The following PCCA variants were observed in gnomAD, a reference collection of about 807,000 sequenced individuals.
PCCA encodes the protein propionyl-CoA carboxylase alpha chain, mitochondrial.
PCCA carries 74 observed loss-of-function variants against 101.3 expected under a neutral mutation model. The observed-to-expected ratio is 0.73, with a 90% confidence interval of 0.61 to 0.89. The LOEUF is 0.89. Ranked by LOEUF, PCCA falls within the 40% of genes least tolerant of loss-of-function variation. The pLI is 0.00. For synonymous variants in PCCA, 294 were observed against 313.6 expected (o/e 0.94, Z 0.66); for missense variants, 891 against 907.0 (o/e 0.98, Z 0.23).
chr13:100,190,605 G>A (rs2152447146), intron 6 of PCCA, among the ~76,000 whole-genome samples: 1 of 152,208 alleles, frequency 6.6e-6, no homozygotes, highest in African/African-American at 2.4e-5. Flanking sequence ...AACCTGGGAG[G>A]TGGAGGCTGC....
chr13:100,364,922 A>G (rs1595601701), intron 18 of PCCA, among the ~76,000 whole-genome samples: 1 of 152,024 alleles, frequency 6.6e-6, no homozygotes, highest in African/African-American at 2.4e-5. Context: ...GGTGGCGCAC[A>G]CCTGTAATCC....
intron 7 of PCCA, among the ~76,000 whole-genome samples, chr13:100,228,042 G>T (rs560720004): frequency 6.6e-6 from 1 of 151,804 alleles, no homozygotes; most frequent in Non-Finnish European, 1.5e-5. Flanking sequence ...TCCAGACAGG[G>T]TCTTGCTCTT....
chr13:100,190,679 A>G (rs1346661753), intron 6 of PCCA, among the ~76,000 whole-genome samples: 1 of 152,012 alleles, frequency 6.6e-6, no homozygotes, highest in Non-Finnish European at 1.5e-5. Flanking sequence ...TGTCTCCAAA[A>G]CAAAACACCA....
intron 20 of PCCA, among the ~76,000 whole-genome samples, chr13:100,440,551 T>A (rs977220660): frequency 2.0e-5 from 3 of 152,044 alleles, no homozygotes; most frequent in Non-Finnish European, 2.9e-5. Context: ...AAAATTAATA[T>A]TTTAATTAGA....
intron 12 of PCCA, among the ~76,000 whole-genome samples, chr13:100,300,410 A>C (rs2065973278): frequency 6.6e-6 from 1 of 152,184 alleles, no homozygotes; most frequent in African/African-American, 2.4e-5. Flanking sequence ...ATAATGACTA[A>C]GTCCTGTCCT....
At chr13:100,299,657 T>C (rs1035441545) in intron 12 of PCCA, among the ~76,000 whole-genome samples, 1 of 152,216 alleles carries the variant, frequency 6.6e-6, no homozygotes, top group Non-Finnish European at 1.5e-5. Context: ...AATTGTCTTT[T>C]CACCTATCAG....
chr13:100,461,182 G>C (rs1484923632), intron 21 of PCCA, among the ~76,000 whole-genome samples: 2 of 152,216 alleles, frequency 1.3e-5, no homozygotes, highest in African/African-American at 4.8e-5. Flanking sequence ...GGTTGTTATT[G>C]CTACTATAGA....
intron 4 of PCCA, among the ~76,000 whole-genome samples, chr13:100,121,201 G>T (rs1258950879): frequency 7.2e-6 from 1 of 139,068 alleles, no homozygotes; most frequent in African/African-American, 2.7e-5. Flanking sequence ...CTGTCACCCA[G>T]GCTGGAGTGT....
Position 100,492,555 on chromosome 13 carries a change from G to A in PCCA, c.1900-22872G>A, listed in dbSNP as rs370227113. On this transcript the variant is annotated intron_variant, in intron 21 of 23. Transcript: ENST00000376285. ...CCCTAGCACCATCTTGATATGGACA[G>A]GAGGCAGGGAAATACTGGGTAGAAG... Among the ~76,000 whole-genome samples the A allele has an allele frequency of 2.1e-3, 320 of 151,930 alleles. 1 individual carries two copies. Among genetic ancestry groups the A allele is most frequent in the African/African-American group, 7.3e-3 (302 of 41,436 alleles).
At chr13:100,111,178 CTTTTTT>C (rs965293674) in intron 2 of PCCA, among the ~76,000 whole-genome samples, 3 of 98,574 alleles carry the variant, frequency 3.0e-5, no homozygotes, top group Non-Finnish European at 6.0e-5. Context: ...GACCCAGCTC[CTTTTTT>C]TTTTTTTTTT....
At chr13:100,189,812 A>C (rs1383671081) in intron 6 of PCCA, among the ~76,000 whole-genome samples, 1 of 152,230 alleles carries the variant, frequency 6.6e-6, no homozygotes, top group Non-Finnish European at 1.5e-5. Context: ...GCCTGGCTGC[A>C]TTATTATTTT....
intron 21 of PCCA, among the ~76,000 whole-genome samples, chr13:100,453,952 G>A (rs189538991): frequency 1.1e-4 from 17 of 152,258 alleles, no homozygotes; most frequent in African/African-American, 3.9e-4. Context: ...CTCACTGCAA[G>A]CTCCGCCTCC....
chr13:100,302,905 CT>C lies in PCCA; in HGVS notation c.1210-16del. On this transcript the variant is annotated intron_variant, in intron 13 of 23. Coordinates refer to ENST00000376285, the MANE Select transcript of PCCA (RefSeq NM_000282.4). Reference sequence around the variant, plus strand: ...ATTTATATTTCAAAGACTGTGCTTCCTTTCCTTTGAACTTTCAGGACCCCTA... The same window carrying C: ...ATTTATATTTCAAAGACTGTGCTTCCTTCCTTTGAACTTTCAGGACCCCTA... 6.9e-7 allele frequency: 1 copy of C among 1,443,470 alleles called. No homozygotes were observed. The highest frequency in any genetic ancestry group is 9.8e-7 in the Non-Finnish European group (1 of 1,024,328). 89.4% of individuals were successfully genotyped at this position (1,443,470 alleles called of 1,614,324 possible).
chr13:100,426,752 T>A (rs886377719), intron 20 of PCCA, among the ~76,000 whole-genome samples: 1 of 152,176 alleles, frequency 6.6e-6, no homozygotes, highest in African/African-American at 2.4e-5. Flanking sequence ...TCTCATTTTT[T>A]TAATTTTCTA....
At chr13:100,468,212 G>A (rs2082690377) in intron 21 of PCCA, among the ~76,000 whole-genome samples, 1 of 152,192 alleles carries the variant, frequency 6.6e-6, no homozygotes, top group Admixed American at 6.5e-5. Context: ...CTGTCATCCA[G>A]GCTTTGTTTT....
chr13:100,090,808 G>A (rs919124129), intron 1 of PCCA, among the ~76,000 whole-genome samples: 9 of 152,222 alleles, frequency 5.9e-5, no homozygotes, highest in African/African-American at 1.9e-4. Context: ...GAAGATGAAA[G>A]TGAGGCACTG....
At position 100,386,683 on chromosome 13, in the gene PCCA, G is replaced by A. The variant is rs369193447; in HGVS notation, c.1746+18109G>A. Among the ~76,000 whole-genome samples, 166 of 152,304 alleles carry A rather than the reference G, an allele frequency of 1.1e-3. 6 individuals are homozygous for A. The South Asian group carries it at 0.031, about 29-fold the overall frequency. On this transcript the variant is annotated intron_variant, in intron 19 of 23. Transcript: ENST00000376285. The stretch of plus-strand genomic sequence containing the variant: ...GGCGTGAGCCACCGCGCCCAGCCCT[G>A]TGTGCTGCTTTATCAAGTGACAGAG...
chr13:100,327,131 A>G (rs951017496), intron 16 of PCCA, among the ~76,000 whole-genome samples: 2 of 152,156 alleles, frequency 1.3e-5, no homozygotes, highest in Non-Finnish European at 2.9e-5. Flanking sequence ...GAGTTTTGAC[A>G]TACGTATACA....
At chr13:100,241,133 C>T (rs775740665) in intron 8 of PCCA, among the ~76,000 whole-genome samples, 1 of 152,096 alleles carries the variant, frequency 6.6e-6, no homozygotes, top group Non-Finnish European at 1.5e-5. Flanking sequence ...TCAAAGTGCA[C>T]AATTCGGTGA....
Sources: allele counts gnomAD v4.1 joint callset (sites outside exome capture counted in the v4.1 genomes callset), GRCh38; gene constraint gnomAD v4.1.1; transcripts MANE v1.5; gene names NCBI Gene and HGNC (gene_info 2026-07-23, HGNC 2026-07-21).